PRKCZ: variants seen among roughly 807,000 people sequenced by gnomAD.
The protein encoded by PRKCZ is protein kinase C zeta type.
PRKCZ carries 33 observed loss-of-function variants against 79.5 expected under a neutral mutation model. That is an observed-to-expected ratio of 0.41 (90% CI 0.31 to 0.55). PRKCZ has a LOEUF of 0.55. Among genes scored for constraint, PRKCZ ranks in the 20% least tolerant of loss-of-function variants. PRKCZ has a pLI of 0.19. For missense variants in PRKCZ, 578 were observed against 813.5 expected (o/e 0.71, Z 3.52); for synonymous variants, 342 against 320.9 (o/e 1.07, Z -0.70).
chr1:2,104,458 C>G (rs1668019253), intron 4 of PRKCZ, among the ~76,000 whole-genome samples: 1 of 152,122 alleles, frequency 6.6e-6, no homozygotes, highest in South Asian at 2.1e-4. Flanking sequence ...GGGGCCAGTA[C>G]AGCAGCATCG....
chr1:2,184,922 G>C lies in PRKCZ; in HGVS notation c.1692G>C (p.Glu564Asp). The C allele has an allele frequency of 6.2e-7, 1 of 1,613,606 alleles. No homozygotes were observed. Among genetic ancestry groups the C allele is most frequent in the Non-Finnish European group, 8.5e-7 (1 of 1,179,798 alleles). ...SEPVQLTPDD[E>D]DAIKRIDQSE... ...TCCCCCCTGCCACCTTTGCCCACAG[G>C]GATGCCATAAAGAGGATCGACCAGT... The change falls in exon 18 of 18, where the codon GAG becomes GAC. Residue 564 changes from glutamate to aspartate, a missense_variant and splice_region_variant. Transcript: ENST00000378567.
intron 7 of PRKCZ, among the ~76,000 whole-genome samples, chr1:2,147,161 C>T (rs1417985395): frequency 2.0e-5 from 3 of 151,264 alleles, no homozygotes; most frequent in African/African-American, 4.9e-5. Flanking sequence ...TCCGTCTATC[C>T]GTCTATTGTC....
chr1:2,057,198 A>G (rs540536549), intron 3 of PRKCZ, among the ~76,000 whole-genome samples: 114 of 152,342 alleles, frequency 7.5e-4, no homozygotes, highest in African/African-American at 2.5e-3. Flanking sequence ...CTCCAGGCTC[A>G]CAGCTGTCCT....
intron 16 of PRKCZ, among the ~76,000 whole-genome samples, chr1:2,181,463 A>G (rs1213557507): frequency 1.3e-5 from 2 of 152,090 alleles, no homozygotes; most frequent in Admixed American, 6.5e-5. Flanking sequence ...CGTGCATTCA[A>G]ACGCACTGCT....
At chr1:2,054,524 C>T (rs907848875) in intron 1 of PRKCZ, among the ~76,000 whole-genome samples, 6 of 151,674 alleles carry the variant, frequency 4.0e-5, no homozygotes, top group African/African-American at 7.3e-5. Context: ...CAGGTCCTGT[C>T]TGGGGCTGAA....
At chr1:2,153,980 C>T (rs1381927687) in intron 9 of PRKCZ, among the ~76,000 whole-genome samples, 2 of 152,242 alleles carry the variant, frequency 1.3e-5, no homozygotes, top group Admixed American at 1.3e-4. Context: ...TTCTGCAGCG[C>T]CAGCCCCACG....
At chr1:2,175,825 C>T (rs1046404025) in intron 16 of PRKCZ, among the ~76,000 whole-genome samples, 5 of 152,182 alleles carry the variant, frequency 3.3e-5, no homozygotes, top group Non-Finnish European at 7.3e-5. Flanking sequence ...ATGGCGCTTC[C>T]TGGCAACCCT....
chr1:2,104,124 G>A (rs1571396700), intron 4 of PRKCZ, among the ~76,000 whole-genome samples: 1 of 152,074 alleles, frequency 6.6e-6, no homozygotes, highest in African/African-American at 2.4e-5. Context: ...CCTGTAAGGA[G>A]ACTGTCTCGG....
intron 7 of PRKCZ, among the ~76,000 whole-genome samples, chr1:2,146,915 C>T (rs1023333020): frequency 1.3e-5 from 2 of 152,152 alleles, no homozygotes; most frequent in Non-Finnish European, 2.9e-5. Flanking sequence ...AACCAACCAG[C>T]CCTCATCCAG....
Position 2,079,705 on chromosome 1 carries a change from C to T in PRKCZ, c.334+20114C>T, listed in dbSNP as rs76162525. On this transcript the variant is annotated intron_variant, in intron 4 of 17. Coordinates refer to ENST00000378567, the MANE Select transcript of PRKCZ (RefSeq NM_002744.6). ...GTGTGCTGGCAGCGGTTGGTGATAA[C>T]GTCTCCTTTTGGTGTTTTCTTTGGC... is the stretch of plus-strand genomic sequence containing the variant. Among the ~76,000 whole-genome samples the T allele has an allele frequency of 7.9e-3, 1,200 of 152,308 alleles. 58 individuals carry two copies. The East Asian group carries it at 0.13, about 17-fold the overall frequency.
intron 9 of PRKCZ, among the ~76,000 whole-genome samples, chr1:2,151,325 A>C (rs1679864506): frequency 1.3e-5 from 2 of 152,262 alleles, no homozygotes; most frequent in Admixed American, 1.3e-4. Flanking sequence ...CCACCACGAG[A>C]GCACTCACGT....
intron 11 of PRKCZ, among the ~76,000 whole-genome samples, chr1:2,171,070 C>T (rs1383565751): frequency 6.6e-6 from 1 of 152,156 alleles, no homozygotes; most frequent in Admixed American, 6.5e-5. Flanking sequence ...GTGGCTCACG[C>T]CTGTAATCCC....
At chr1:2,078,269 C>T (rs927027156) in intron 4 of PRKCZ, among the ~76,000 whole-genome samples, 3 of 152,264 alleles carry the variant, frequency 2.0e-5, no homozygotes, top group Admixed American at 6.5e-5. Flanking sequence ...AGAAAGATGG[C>T]GTGGGAGGCC....
At chr1:2,054,789 C>T (rs1227604534) in intron 1 of PRKCZ, among the ~76,000 whole-genome samples, 1 of 152,106 alleles carries the variant, frequency 6.6e-6, no homozygotes, top group Non-Finnish European at 1.5e-5. Flanking sequence ...CCCGGGGTCA[C>T]CCACATTTGG....
At chr1:2,068,163 C>G (rs557206237) in intron 4 of PRKCZ, among the ~76,000 whole-genome samples, 30 of 152,376 alleles carry the variant, frequency 2.0e-4, no homozygotes, top group African/African-American at 7.0e-4. Flanking sequence ...CGGGGCAGAC[C>G]CCAGCTGCAA....
In PRKCZ at chr1:2,145,545, AT is replaced by A. The variant is rs1390149322; in HGVS notation, c.553-481del. ...TATGTTCTTTATCTAATTCAGTAAA[AT>A]AGCATAACAATTAGATTTTTATATA... On this transcript the variant is annotated intron_variant, in intron 6 of 17. Transcript: ENST00000378567. 4.5e-5 allele frequency: 7 copies of A among 154,270 alleles called. No individual in the cohort carries two copies. The South Asian group carries it at 1.1e-3, about 25-fold the overall frequency. 9.6% of individuals were successfully genotyped at this position (154,270 alleles called of 1,614,324 possible).
chr1:2,147,908 C>T (rs896010141), intron 7 of PRKCZ, among the ~76,000 whole-genome samples: 2 of 151,932 alleles, frequency 1.3e-5, no homozygotes, highest in Non-Finnish European at 2.9e-5. Context: ...TCCATCTTTC[C>T]GTCTGTTGTC....
intron 1 of PRKCZ, among the ~76,000 whole-genome samples, chr1:2,055,029 G>C (rs1280912484): frequency 6.7e-6 from 1 of 150,184 alleles, no homozygotes. Context: ...TGCAAGCTCC[G>C]CCTCCCGGGT....
Position 2,152,950 on chromosome 1 carries a change from C to T in PRKCZ, c.876+1972C>T, listed in dbSNP as rs143804844. Among the ~76,000 whole-genome samples the T allele has an allele frequency of 2.2e-3, 329 of 152,376 alleles. 2 individuals carry two copies. The highest frequency in any genetic ancestry group is 7.4e-3 in the African/African-American group (306 of 41,582). On this transcript the variant is annotated intron_variant, in intron 9 of 17. Coordinates refer to ENST00000378567, the MANE Select transcript of PRKCZ (RefSeq NM_002744.6). Reference sequence around the variant, plus strand: ...TGTGAGTGGTGCCACTGTGAAGGTTCGCGTACAAGAATCTGTTTGAGTCTA... The same window carrying T: ...TGTGAGTGGTGCCACTGTGAAGGTTTGCGTACAAGAATCTGTTTGAGTCTA...
Sources: allele counts gnomAD v4.1 joint callset (sites outside exome capture counted in the v4.1 genomes callset), GRCh38; gene constraint gnomAD v4.1.1; transcripts MANE v1.5; gene names NCBI Gene and HGNC (gene_info 2026-07-23, HGNC 2026-07-21).